The following BNC1 variants were observed in gnomAD, a reference collection of about 807,000 sequenced individuals.
BNC1 encodes the protein basonuclin zinc finger protein 1.
BNC1 carries 8 observed loss-of-function variants against 66.5 expected under a neutral mutation model. The observed-to-expected ratio is 0.12, with a 90% CI of 0.07 to 0.22. The LOEUF (loss-of-function observed/expected upper bound fraction) is 0.22, where lower values mean the gene tolerates loss of function less well. Ranked by LOEUF, BNC1 falls within the 10% of genes least tolerant of loss-of-function variation. The probability of loss-of-function intolerance (pLI) is 1.00; values close to 1 mark genes in which losing one functional copy is unlikely to be tolerated. For missense variants in BNC1, 1,069 were observed against 1,241.3 expected (o/e 0.86, Z 2.09); for synonymous variants, 454 against 452.6 (o/e 1.00, Z -0.04).
intron 1 of BNC1, chr15:83,283,271 T>C: frequency 6.5e-7 from 1 of 1,532,784 alleles, no homozygotes; most frequent in South Asian, 1.2e-5. Context: ...TTCACTCGCC[T>C]CGCCACAATC....
In BNC1 at chr15:83,283,145, G is replaced by C. The variant is rs1016726550; in HGVS notation, c.99+1385C>G. ...GGCATTCCACTTAACTGTCAGACTC[G>C]GAGCGGTGGCAGCCCCGCAGCCACA... On this transcript the variant is annotated intron_variant, in intron 1 of 4. Coordinates refer to ENST00000345382, the MANE Select transcript of BNC1 (RefSeq NM_001717.4). The C allele has an allele frequency of 1.6e-5, 24 of 1,535,424 alleles. 1 individual carries two copies. The Admixed American group carries it at 3.3e-4, about 21-fold the overall frequency.
intron 1 of BNC1, among the ~76,000 whole-genome samples, chr15:83,271,237 ACT>A (rs1397434359): frequency 6.6e-6 from 1 of 152,054 alleles, no homozygotes; most frequent in Non-Finnish European, 1.5e-5. Flanking sequence ...ACAGAGCAAG[ACT>A]CTGCCTCAAA....
chr15:83,267,751 A>G (rs780151857), intron 2 of BNC1, among the ~76,000 whole-genome samples: 17 of 152,212 alleles, frequency 1.1e-4, no homozygotes, highest in Non-Finnish European at 2.1e-4. Context: ...CATATACTAA[A>G]AATATTCATT....
intron 1 of BNC1, among the ~76,000 whole-genome samples, chr15:83,274,438 C>T (rs1225338547): frequency 6.6e-6 from 1 of 152,130 alleles, no homozygotes; most frequent in Non-Finnish European, 1.5e-5. Context: ...ACACTAGCCA[C>T]ATTTCAGGTG....
intron 3 of BNC1, among the ~76,000 whole-genome samples, chr15:83,265,433 T>C (rs1335538710): frequency 6.6e-6 from 1 of 152,228 alleles, no homozygotes; most frequent in African/African-American, 2.4e-5. Flanking sequence ...AGAACATGTA[T>C]TTGATGGCCT....
intron 1 of BNC1, among the ~76,000 whole-genome samples, chr15:83,283,715 C>T (rs1031826596): frequency 6.6e-6 from 1 of 152,220 alleles, no homozygotes; most frequent in African/African-American, 2.4e-5. Context: ...TTAGCCCCGT[C>T]CCAGCGCTTT....
intron 1 of BNC1, chr15:83,283,415 C>A: frequency 7.9e-7 from 1 of 1,268,966 alleles, no homozygotes; most frequent in African/African-American, 1.6e-5. Context: ...GCCCGCGGCC[C>A]CCAGCCTCGC....
chr15:83,282,575 G>A (rs889918234), intron 1 of BNC1, among the ~76,000 whole-genome samples: 2 of 152,062 alleles, frequency 1.3e-5, no homozygotes, highest in Non-Finnish European at 2.9e-5. Flanking sequence ...AATCTGGGAA[G>A]GGATCAATGA....
intron 4 of BNC1, among the ~76,000 whole-genome samples, chr15:83,261,496 A>G (rs73438941): frequency 0.044 from 6,642 of 152,312 alleles, 404 homozygotes; most frequent in East Asian, 0.14. Flanking sequence ...TCAGTGTACC[A>G]TTTAACATTT....
rs768158582 is a variant in BNC1, at chr15:83,263,778, G to A, written c.1473C>T (p.Phe491=). 1.5e-5 allele frequency: 24 copies of A among 1,614,080 alleles called. No homozygotes were observed. The change falls in exon 4 of 5, where the codon TTC becomes TTT. Residue 491 remains phenylalanine (F), a synonymous_variant. Transcript: ENST00000345382. ...CGGCAGGCGTGGCTGGACTGCGGTA[G>A]AAAGGAAGGACTGGCTGGACTGTCT... The part of the protein sequence containing the change: ...NLKTVQPVLP[F]YRSPATPAEV...
chr15:83,274,004 GACTA>G (rs748148825), intron 1 of BNC1, among the ~76,000 whole-genome samples: 14 of 152,178 alleles, frequency 9.2e-5, no homozygotes, highest in Non-Finnish European at 2.9e-5. Flanking sequence ...ATTCCTGGGG[GACTA>G]ACTGGTAAGG....
At chr15:83,259,714 G>T (rs985850084) in intron 4 of BNC1, among the ~76,000 whole-genome samples, 1 of 152,106 alleles carries the variant, frequency 6.6e-6, no homozygotes, top group African/African-American at 2.4e-5. Context: ...GTCCCTACTG[G>T]AACAAAGCAA....
In BNC1 at chr15:83,257,077, C is replaced by T. The variant is rs1315849812; in HGVS notation, c.*365G>A. 7 of 238,796 alleles carry T rather than the reference C, an allele frequency of 2.9e-5. No homozygotes were observed. Among genetic ancestry groups the T allele is most frequent in the Admixed American group, 2.6e-4 (5 of 19,440 alleles). The allele number at this position is 238,796 out of a possible 1,614,324, so 14.8% of individuals were successfully genotyped here. Reference sequence around the variant, plus strand: ...TCCCCAGGACCCTTCTTATCCAAGACCTTTAACACTGCAAGCCTCATTTAA... The same window carrying T: ...TCCCCAGGACCCTTCTTATCCAAGATCTTTAACACTGCAAGCCTCATTTAA... On this transcript the variant is annotated 3_prime_UTR_variant, in exon 5 of 5. Transcript: ENST00000345382.
chr15:83,281,238 G>C (rs1260131979), intron 1 of BNC1, among the ~76,000 whole-genome samples: 2 of 152,122 alleles, frequency 1.3e-5, no homozygotes, highest in African/African-American at 2.4e-5. Flanking sequence ...GCAGAAATAA[G>C]GTTTTCAGGT....
chr15:83,283,817 T>C (rs2038410843), intron 1 of BNC1, among the ~76,000 whole-genome samples: 1 of 152,230 alleles, frequency 6.6e-6, no homozygotes, highest in Non-Finnish European at 1.5e-5. Flanking sequence ...CGGTCAACGC[T>C]CGGTCTGTGT....
At chr15:83,277,590 T>C (rs763835339) in intron 1 of BNC1, among the ~76,000 whole-genome samples, 6 of 152,252 alleles carry the variant, frequency 3.9e-5, no homozygotes, top group Non-Finnish European at 5.9e-5. Flanking sequence ...ATTACAGGCA[T>C]GAGCCACCGC....
intron 1 of BNC1, among the ~76,000 whole-genome samples, chr15:83,277,055 C>T (rs1853754575): frequency 6.6e-6 from 1 of 152,154 alleles, no homozygotes; most frequent in Non-Finnish European, 1.5e-5. Flanking sequence ...TTTTTAACAG[C>T]CACCAAGTTT....
intron 1 of BNC1, among the ~76,000 whole-genome samples, chr15:83,279,355 A>G (rs762395095): frequency 8.5e-5 from 13 of 152,192 alleles, no homozygotes; most frequent in Non-Finnish European, 1.5e-4. Flanking sequence ...GAAATCTTCT[A>G]TAATAAAAAG....
At chr15:83,268,657 T>C (rs1035967580) in intron 1 of BNC1, among the ~76,000 whole-genome samples, 35 of 152,190 alleles carry the variant, frequency 2.3e-4, no homozygotes, top group African/African-American at 8.2e-4. Context: ...GTAATCTACA[T>C]ATAAAATTTA....
Sources: gnomAD v4.1 joint callset for allele counts (sites outside exome capture counted in the v4.1 genomes callset) on GRCh38, gnomAD v4.1.1 for gene constraint, MANE v1.5 for transcripts, NCBI Gene and HGNC (gene_info 2026-07-23, HGNC 2026-07-21) for gene names.